CELF1: variants seen among roughly 807,000 people sequenced by gnomAD.
CELF1 encodes CUGBP Elav-like family member 1.
A neutral mutation model predicts 61.8 loss-of-function variants in CELF1; 10 were observed. That is an observed-to-expected ratio of 0.16 (90% CI 0.10 to 0.27). The LOEUF is 0.27. CELF1 is among the 10% of genes least tolerant of loss of function. The pLI is 1.00. For missense variants in CELF1, 380 were observed against 639.1 expected, an observed-to-expected ratio of 0.59 and a Z score of 4.37; for synonymous variants, 236 against 225.1, an observed-to-expected ratio of 1.05 and a Z score of -0.43.
chr11:47,530,167 C>T (rs762501311), intron 1 of CELF1, among the ~76,000 whole-genome samples: 13 of 152,180 alleles, frequency 8.5e-5, no homozygotes, highest in African/African-American at 2.9e-4. Flanking sequence ...GCAATGTGGG[C>T]GACAACATTA....
intron 1 of CELF1, among the ~76,000 whole-genome samples, chr11:47,509,973 A>G (rs1279350549): frequency 6.6e-6 from 1 of 151,840 alleles, no homozygotes; most frequent in Admixed American, 6.6e-5. Flanking sequence ...AAGGCATAAG[A>G]ATCACTTGAA....
At chr11:47,475,251 C>T in intron 13 of CELF1, 85 bp downstream of exon 13, 1 of 1,278,618 alleles carries the variant, frequency 7.8e-7, no homozygotes, top group Non-Finnish European at 1.1e-6. Context: ...CTAACTGGTT[C>T]CCTCAGCCTT....
In CELF1 at chr11:47,486,766, G is replaced by C. The variant is rs1046745448; in HGVS notation, c.375C>G (p.Asp125Glu). 1 of 1,612,654 alleles carries C rather than the reference G, an allele frequency of 6.2e-7. No homozygotes were observed. Among genetic ancestry groups the C allele is most frequent in the Non-Finnish European group, 8.5e-7 (1 of 1,178,662 alleles). ...MHHPIQMKPA[D>E]SEKNNAVEDR... is the part of the protein sequence containing the mutation. Reference sequence around the variant, plus strand: ...TTTGCTTACCATTGTTCTTCTCACTGTCAGCAGGTTTCATCTGTATAGGGT... The same window carrying C: ...TTTGCTTACCATTGTTCTTCTCACTCTCAGCAGGTTTCATCTGTATAGGGT... The change falls in exon 6 of 15, where the codon GAC becomes GAG. Residue 125 changes from aspartate to glutamate, a missense_variant. Transcript: ENST00000687097.
intron 1 of CELF1, among the ~76,000 whole-genome samples, chr11:47,507,202 T>C (rs532696127): frequency 2.0e-5 from 3 of 152,336 alleles, no homozygotes; most frequent in South Asian, 4.1e-4. Context: ...ATTTATGAGG[T>C]TGAATTTCAG....
At chr11:47,553,243 G>A (rs570733045), upstream of CELF1, 1 of 382,578 alleles carries the variant, frequency 2.6e-6, no homozygotes, top group Non-Finnish European at 4.6e-6. Context: ...GCGCCGATGC[G>A]AGCGGAGCGC....
intron 3 of CELF1, among the ~76,000 whole-genome samples, chr11:47,494,004 AT>A (rs961517183): frequency 1.3e-5 from 2 of 152,196 alleles, no homozygotes; most frequent in African/African-American, 4.8e-5. Context: ...ACATTCTCAA[AT>A]TTGTACCTTA....
intron 1 of CELF1, among the ~76,000 whole-genome samples, chr11:47,547,233 AAT>A (rs2096985981): frequency 6.6e-6 from 1 of 152,206 alleles, no homozygotes; most frequent in Non-Finnish European, 1.5e-5. Context: ...AAGAAGTTTG[AAT>A]ATGTCAGTGG....
At chr11:47,516,209 TAAAAAG>T (rs1279290868) in intron 1 of CELF1, among the ~76,000 whole-genome samples, 4 of 151,860 alleles carry the variant, frequency 2.6e-5, no homozygotes, top group Non-Finnish European at 5.9e-5. Context: ...AAAATAAAAA[TAAAAAG>T]AGAGAGAGAA....
At chr11:47,490,901 G>A (rs912449181) in intron 3 of CELF1, among the ~76,000 whole-genome samples, 15 of 145,676 alleles carry the variant, frequency 1.0e-4, no homozygotes, top group African/African-American at 1.8e-4. Flanking sequence ...TCGCTCTGTC[G>A]CCCGGGCTGG....
At chr11:47,479,688 T>C (rs531366530) in intron 9 of CELF1, among the ~76,000 whole-genome samples, 1 of 152,374 alleles carries the variant, frequency 6.6e-6, no homozygotes, top group African/African-American at 2.4e-5. Context: ...CTTTGTATAT[T>C]GGCAAACCAC....
intron 2 of CELF1, among the ~76,000 whole-genome samples, chr11:47,561,080 T>C (rs923232064): frequency 1.1e-4 from 14 of 131,284 alleles, no homozygotes; most frequent in Non-Finnish European, 2.3e-4. Flanking sequence ...AGAGCTTGTA[T>C]TGAGTGGAGA....
At chr11:47,517,453 C>T (rs904300317) in intron 1 of CELF1, among the ~76,000 whole-genome samples, 1 of 152,008 alleles carries the variant, frequency 6.6e-6, no homozygotes, top group African/African-American at 2.4e-5. Flanking sequence ...TATAACCATA[C>T]AACAGAACAC....
intron 1 of CELF1, among the ~76,000 whole-genome samples, chr11:47,546,209 C>T (rs2153743932): frequency 7.6e-6 from 1 of 132,220 alleles, no homozygotes; most frequent in South Asian, 2.3e-4. Flanking sequence ...AAAGGCCTTT[C>T]ATGCAATTGA....
chr11:47,496,616 G>A (rs1377846980), intron 3 of CELF1, among the ~76,000 whole-genome samples: 3 of 152,168 alleles, frequency 2.0e-5, no homozygotes, highest in Non-Finnish European at 4.4e-5. Flanking sequence ...AGAGATTTCA[G>A]CTGCATAGAG....
chr11:47,534,348 A>G (rs1248708126), intron 1 of CELF1, among the ~76,000 whole-genome samples: 1 of 151,212 alleles, frequency 6.6e-6, no homozygotes, highest in African/African-American at 2.4e-5. Flanking sequence ...TATTTTTTCT[A>G]TCAAGATTTC....
At chr11:47,540,243 AG>A (rs1195144783) in intron 1 of CELF1, among the ~76,000 whole-genome samples, 1 of 152,228 alleles carries the variant, frequency 6.6e-6, no homozygotes, top group Non-Finnish European at 1.5e-5. Flanking sequence ...CTCATGAAAA[AG>A]ATTAGCTGTG....
chr11:47,527,083 C>T (rs1164261985), intron 1 of CELF1, among the ~76,000 whole-genome samples: 1 of 150,282 alleles, frequency 6.7e-6, no homozygotes, highest in Admixed American at 6.6e-5. Flanking sequence ...GAAAAAAGCA[C>T]TGCCTAGCTC....
At chr11:47,510,468 G>T (rs1477958879) in intron 1 of CELF1, among the ~76,000 whole-genome samples, 1 of 152,142 alleles carries the variant, frequency 6.6e-6, no homozygotes, top group Non-Finnish European at 1.5e-5. Context: ...CTAAACCCAT[G>T]AACTTGGCCT....
chr11:47,547,870 G>A (rs755851200), intron 1 of CELF1, among the ~76,000 whole-genome samples: 3 of 152,096 alleles, frequency 2.0e-5, no homozygotes, highest in Non-Finnish European at 4.4e-5. Context: ...AGAGGCTGGG[G>A]GGAGGGGAAA....
Sources: gnomAD v4.1 joint callset for allele counts (sites outside exome capture counted in the v4.1 genomes callset) on GRCh38, gnomAD v4.1.1 for gene constraint, MANE v1.5 for transcripts, NCBI Gene and HGNC (gene_info 2026-07-23, HGNC 2026-07-21) for gene names.